The following ASCC3 variants were observed in gnomAD, a reference collection of about 807,000 sequenced individuals.
The protein encoded by ASCC3 is activating signal cointegrator 1 complex subunit 3, also known as ASC-1 complex subunit P200.
ASCC3 carries 158 observed loss-of-function variants against 256.3 expected under a neutral mutation model. The ratio of observed to expected loss-of-function variants is 0.62; its 90% CI spans 0.54 to 0.70. The LOEUF is 0.70. Among genes scored for constraint, ASCC3 ranks in the 30% least tolerant of loss-of-function variants. ASCC3 has a pLI of 0.00. For missense variants in ASCC3, 2,259 were observed against 2,626.0 expected, an observed-to-expected ratio of 0.86 and a Z score of 3.05; for synonymous variants, 948 against 883.4, an observed-to-expected ratio of 1.07 and a Z score of -1.30.
chr6:100,589,983 C>T lies in ASCC3; in HGVS notation c.5380G>A (p.Glu1794Lys), dbSNP rs1771918275. ...TCAATACAGTAGGAAAGTTCCAATTCAATCAGGGACTTCTCAATCAGATGG... is the reference window on the plus strand; with the variant it reads ...TCAATACAGTAGGAAAGTTCCAATTTAATCAGGGACTTCTCAATCAGATGG... ...LSHLIEKSLI[E>K]LELSYCIEIG... Residue 1794 changes from glutamate to lysine, a missense_variant, in exon 35 of 42, where the codon GAA becomes AAA. Physicochemically the swap from Glu to Lys is moderately conservative, Grantham distance 56. Around this residue, in one of 2 missense-constraint regions of ASCC3, gnomAD observed 1,839 missense variants for 2,206.7 expected, o/e 0.83. Transcript: ENST00000369162. 8 of 1,613,554 alleles carry T rather than the reference C, an allele frequency of 5.0e-6. No individual in the cohort carries two copies. Among genetic ancestry groups the T allele is most frequent in the Non-Finnish European group, 6.8e-6 (8 of 1,179,646 alleles).
intron 4 of ASCC3, among the ~76,000 whole-genome samples, chr6:100,832,346 A>T (rs1437904035): frequency 1.3e-5 from 2 of 152,128 alleles, no homozygotes; most frequent in Non-Finnish European, 2.9e-5. Context: ...CCAACAAACT[A>T]TTATTATTCT....
chr6:100,763,402 A>G (rs575637097), intron 10 of ASCC3, among the ~76,000 whole-genome samples: 1 of 152,338 alleles, frequency 6.6e-6, no homozygotes, highest in South Asian at 2.1e-4. Context: ...AAGTGCAAAA[A>G]TGGGCAAATG....
At position 100,760,896 on chromosome 6, in the gene ASCC3, G is replaced by C. The variant is rs75817873; in HGVS notation, c.1737+5669C>G. 1.6e-3 allele frequency among the ~76,000 whole-genome samples: 247 copies of C among 152,224 alleles called. 9 individuals are homozygous for C. The East Asian group carries it at 0.045, about 28-fold the overall frequency. On this transcript the variant is annotated intron_variant, in intron 10 of 41. Coordinates refer to ENST00000369162, the MANE Select transcript of ASCC3 (RefSeq NM_006828.4). ...CATCAGCAAAATCCAAAAAGTAAAG[G>C]AGAAAACATGACGGGTTGAAGAAAT...
chr6:100,603,898 C>T (rs142071408), intron 33 of ASCC3, among the ~76,000 whole-genome samples: 208 of 152,078 alleles, frequency 1.4e-3, no homozygotes, highest in Non-Finnish European at 2.4e-3. Flanking sequence ...ATTCCCTTCT[C>T]GTAAATTTTT....
chr6:100,590,060 C>T lies in ASCC3; in HGVS notation c.5304-1G>A, dbSNP rs1358667872. 4 of 1,601,728 alleles carry T rather than the reference C, an allele frequency of 2.5e-6. No homozygotes were observed. The highest frequency in any genetic ancestry group is 1.3e-5 in the African/African-American group (1 of 74,674). On this transcript the variant is annotated splice_acceptor_variant, in intron 34 of 41. Transcript: ENST00000369162. LOFTEE classifies it high-confidence loss of function. ...GCTCACATCACCCAAATTGTAATAG[C>T]TAGAAAACAAGCAAGGTTATTATTA...
intron 37 of ASCC3, among the ~76,000 whole-genome samples, chr6:100,538,781 A>C (rs957151397): frequency 5.3e-5 from 8 of 152,120 alleles, no homozygotes; most frequent in Admixed American, 5.2e-4. Flanking sequence ...TTCATAATGT[A>C]TATTCTTGTA....
intron 10 of ASCC3, among the ~76,000 whole-genome samples, chr6:100,726,576 A>G (rs1308763962): frequency 6.6e-6 from 1 of 152,072 alleles, no homozygotes; most frequent in African/African-American, 2.4e-5. Flanking sequence ...ATTCTGAAGC[A>G]TTTTGGATTT....
At chr6:100,794,410 A>C (rs571488714) in intron 8 of ASCC3, among the ~76,000 whole-genome samples, 1 of 152,188 alleles carries the variant, frequency 6.6e-6, no homozygotes, top group South Asian at 2.1e-4. Flanking sequence ...TGTGTGGCAT[A>C]CACCACCACC....
chr6:100,549,845 A>G (rs1769199470), intron 36 of ASCC3, among the ~76,000 whole-genome samples: 1 of 151,956 alleles, frequency 6.6e-6, no homozygotes, highest in South Asian at 2.1e-4. Context: ...AGAAAACTGG[A>G]TGTGTTGGAA....
chr6:100,552,779 C>G (rs938394590), intron 36 of ASCC3, among the ~76,000 whole-genome samples: 11 of 151,594 alleles, frequency 7.3e-5, no homozygotes, highest in African/African-American at 2.4e-4. Flanking sequence ...CTCTGAAACC[C>G]TATAGTGTTT....
At position 100,651,569 on chromosome 6, in the gene ASCC3, A is replaced by G; in HGVS notation, c.3066T>C (p.Asp1022=). The G allele has an allele frequency of 6.4e-7, 1 of 1,569,778 alleles. No homozygotes were observed. Among genetic ancestry groups the G allele is most frequent in the Non-Finnish European group, 8.7e-7 (1 of 1,153,398 alleles). The change falls in exon 19 of 42, where the codon GAT becomes GAC. Residue 1022 remains aspartate, a synonymous_variant. Transcript: ENST00000369162. The part of the protein sequence containing the change: ...FAIVSKAEEF[D]QIKVREEEIE... ...TTTCAAGAAATCTTACCTTAATTTG[A>G]TCAAATTCTTCAGCTTTGGAGACTA...
chr6:100,746,554 T>C (rs72942989), intron 10 of ASCC3, among the ~76,000 whole-genome samples: 7,269 of 152,238 alleles, frequency 0.048, 200 homozygotes, highest in African/African-American at 0.059. Flanking sequence ...TGCAATGTTT[T>C]CTGGGAGTGC....
At chr6:100,571,442 T>A (rs1193023320) in intron 36 of ASCC3, among the ~76,000 whole-genome samples, 1 of 152,194 alleles carries the variant, frequency 6.6e-6, no homozygotes, top group Non-Finnish European at 1.5e-5. Context: ...GTGTGTTTAT[T>A]CTTGGCCAAC....
chr6:100,671,452 C>T (rs956561569), intron 14 of ASCC3, among the ~76,000 whole-genome samples: 3 of 152,004 alleles, frequency 2.0e-5, no homozygotes, highest in Admixed American at 6.6e-5. Flanking sequence ...CAATACTATA[C>T]TCACTGGATA....
At chr6:100,646,573 A>T (rs1397914895) in intron 22 of ASCC3, 42 bp downstream of exon 22, 8 of 1,604,440 alleles carry the variant, frequency 5.0e-6, no homozygotes, top group South Asian at 1.1e-5. Flanking sequence ...TGTAGTACAG[A>T]TATTTTTGTT....
At chr6:100,705,299 C>T (rs772552402) in intron 13 of ASCC3, among the ~76,000 whole-genome samples, 30 of 151,968 alleles carry the variant, frequency 2.0e-4, no homozygotes, top group Non-Finnish European at 3.4e-4. Flanking sequence ...TACACGAGCA[C>T]GCAAGTTTAG....
intron 3 of ASCC3, among the ~76,000 whole-genome samples, chr6:100,859,626 T>A (rs1773127666): frequency 6.6e-6 from 1 of 152,034 alleles, no homozygotes; most frequent in Non-Finnish European, 1.5e-5. Flanking sequence ...AAAATCTTAC[T>A]TCCTTGATAA....
chr6:100,524,580 T>C (rs1287769058), intron 37 of ASCC3, among the ~76,000 whole-genome samples: 1 of 152,064 alleles, frequency 6.6e-6, no homozygotes, highest in Non-Finnish European at 1.5e-5. Flanking sequence ...AAGAGGTAGG[T>C]TGAAGGGTGG....
At chr6:100,721,808 C>T (rs1779353917) in intron 11 of ASCC3, among the ~76,000 whole-genome samples, 1 of 148,840 alleles carries the variant, frequency 6.7e-6, no homozygotes, top group African/African-American at 2.5e-5. Flanking sequence ...GTTGTTGTTG[C>T]AATTGCTATC....
Sources: allele counts gnomAD v4.1 joint callset (sites outside exome capture counted in the v4.1 genomes callset), GRCh38; gene constraint gnomAD v4.1.1; regional missense constraint gnomAD v4.1.1; transcripts MANE v1.5; gene names NCBI Gene and HGNC (gene_info 2026-07-23, HGNC 2026-07-21).